Variants in ST3GAL3 observed in about 807,000 individuals in gnomAD.
The protein encoded by ST3GAL3 is CMP-N-acetylneuraminate-beta-1,4-galactoside alpha-2,3-sialyltransferase.
A neutral mutation model predicts 50.1 loss-of-function variants in ST3GAL3; 21 were observed. That is an observed-to-expected ratio of 0.42 (90% CI 0.30 to 0.60). The LOEUF is 0.60. Ranked by LOEUF, ST3GAL3 falls within the 20% of genes least tolerant of loss-of-function variation. ST3GAL3 has a pLI of 0.19. For synonymous variants in ST3GAL3, 183 were observed against 190.0 expected (o/e 0.96, Z 0.30); for missense variants, 353 against 489.4 (o/e 0.72, Z 2.63).
In ST3GAL3 at chr1:43,930,198, A is replaced by G. The variant is rs142076884; in HGVS notation, c.1105A>G (p.Thr369Ala). The G allele has an allele frequency of 2.5e-6, 4 of 1,613,792 alleles. No homozygotes were observed. Among genetic ancestry groups the G allele is most frequent in the Non-Finnish European group, 3.4e-6 (4 of 1,180,056 alleles). Residue 369 changes from threonine to alanine, a missense_variant, in exon 12 of 12, where the codon ACT (threonine) becomes GCT (alanine). Thr to Ala is a moderately conservative substitution (Grantham distance 58). Transcript: ENST00000347631. ...GAAGCTGGTGAAAGCTCGCGTCATC[A>G]CTGATCTAAGCAGTGGCATCTGAGT... ...LRKLVKARVITDLSSGI is the reference protein window; with the variant it reads ...LRKLVKARVIADLSSGI
rs1679058554 is a variant in ST3GAL3, at chr1:43,737,628, G to GATA, written c.118+1250_118+1252dup. On this transcript the variant is annotated intron_variant, in intron 2 of 11. Coordinates refer to ENST00000347631, the MANE Select transcript of ST3GAL3 (RefSeq NM_006279.5). This position sits in a 1 kb window ranked among gnomAD's most constrained non-coding sequence, Gnocchi z 4.0. Reference sequence around the variant, plus strand: ...TTTTAAAACCAAGGAGACTACCCAGGATAAGGAGTGTTTGTATCAGTGAAA... The same window carrying GATA: ...TTTTAAAACCAAGGAGACTACCCAGGATAATAAGGAGTGTTTGTATCAGTGAAA... 6.6e-6 allele frequency: 1 copy of GATA among 152,178 alleles called. No individual in the cohort carries two copies. The highest frequency in any genetic ancestry group is 2.4e-5 in the African/African-American group (1 of 41,456). 9.4% of individuals were successfully genotyped at this position (152,178 alleles called of 1,614,324 possible). A position where few individuals can be genotyped will look rare whatever the true frequency, so the allele number is the denominator to read the frequency against.
chr1:43,899,236 G>C lies in ST3GAL3; in HGVS notation c.530G>C (p.Arg177Pro). ...CTTGCCAACAAGTCTCTGGGGTCAC[G>C]AATTGACGACTATGACATTGTGGTG... ...GVLANKSLGS[R>P]IDDYDIVVRL... The change falls in exon 8 of 12, where the codon CGA becomes CCA. Residue 177 changes from arginine to proline, a missense_variant. Transcript: ENST00000347631. This position sits in a 1 kb window ranked among gnomAD's most constrained non-coding sequence, Gnocchi z 5.4. 1 of 1,614,238 alleles carries C rather than the reference G, an allele frequency of 6.2e-7. No individual in the cohort carries two copies.
chr1:43,857,586 C>CCTCCCTTCCTT (rs1558605800), intron 5 of ST3GAL3, among the ~76,000 whole-genome samples: 7 of 85,976 alleles, frequency 8.1e-5, no homozygotes, highest in African/African-American at 4.2e-4. Flanking sequence ...CTTCCTCCCT[C>CCTCCCTTCCTT]CCTTCCTTCC....
chr1:43,835,532 A>G (rs187619919), intron 4 of ST3GAL3, among the ~76,000 whole-genome samples: 3 of 152,156 alleles, frequency 2.0e-5, no homozygotes, highest in African/African-American at 7.2e-5. Flanking sequence ...TGCCATGGAG[A>G]GAGCAGTATC....
At chr1:43,715,902 G>A (rs973454553) in intron 1 of ST3GAL3, among the ~76,000 whole-genome samples, 27 of 152,310 alleles carry the variant, frequency 1.8e-4, no homozygotes, top group Admixed American at 1.5e-3. Context: ...GAGAATGAGA[G>A]TGAACAAGGC....
chr1:43,792,674 A>T (rs1315414052), intron 3 of ST3GAL3, among the ~76,000 whole-genome samples: 1 of 152,210 alleles, frequency 6.6e-6, no homozygotes, highest in African/African-American at 2.4e-5. Flanking sequence ...AAATGCATGT[A>T]GGTGGACACA....
chr1:43,921,132 C>A lies in ST3GAL3; in HGVS notation c.1038+204C>A, dbSNP rs149233322. Among the ~76,000 whole-genome samples the A allele has an allele frequency of 4.7e-3, 720 of 152,216 alleles. 7 individuals carry two copies. The highest frequency in any genetic ancestry group is 0.019 in the South Asian group (92 of 4,818). ...TGAACTTTCCTTCCAAGGGACTCTC[C>A]GTGCCCTGGTCCTGCACCTCCCTCC... On this transcript the variant is annotated intron_variant, in intron 11 of 11. Transcript: ENST00000347631.
At chr1:43,753,982 C>T (rs1687128623) in intron 2 of ST3GAL3, among the ~76,000 whole-genome samples, 1 of 152,136 alleles carries the variant, frequency 6.6e-6, no homozygotes, top group South Asian at 2.1e-4. Flanking sequence ...CTTCACAGAA[C>T]GTCAGTTCAT....
At position 43,905,932 on chromosome 1, in the gene ST3GAL3, C is replaced by T. The variant is rs1453016271; in HGVS notation, c.744+6205C>T. Among the ~76,000 whole-genome samples, 22 of 102,754 alleles carry T rather than the reference C, an allele frequency of 2.1e-4. No individual in the cohort carries two copies. In the East Asian group the frequency reaches 3.1e-3, roughly 15 times the overall value. The allele number at this position is 102,754 out of a possible 152,430, so 67.4% of individuals were successfully genotyped here. A position where few individuals can be genotyped will look rare whatever the true frequency, so the allele number is the denominator to read the frequency against. On this transcript the variant is annotated intron_variant, in intron 9 of 11. Coordinates refer to ENST00000347631, the MANE Select transcript of ST3GAL3 (RefSeq NM_006279.5). ...CTGTTCCTCTTCCCACCACTCTTCC[C>T]CCTCCTCCTCCTGCTCCTCTCCCAC...
chr1:43,727,732 C>T lies in ST3GAL3; in HGVS notation c.-30-8501C>T, dbSNP rs560370163. 2.0e-5 allele frequency among the ~76,000 whole-genome samples: 3 copies of T among 152,332 alleles called. No homozygotes were observed. In the South Asian group the frequency reaches 6.2e-4, roughly 32 times the overall value. ...GAAAAATCATTTATGCTGTCTTTAG[C>T]CTCATCCCTTCCCCAAACTTCACAT... On this transcript the variant is annotated intron_variant, in intron 1 of 11. Transcript: ENST00000347631.
chr1:43,867,106 G>T (rs1447890958), intron 5 of ST3GAL3, among the ~76,000 whole-genome samples: 1 of 152,176 alleles, frequency 6.6e-6, no homozygotes, highest in African/African-American at 2.4e-5. Context: ...CTCCAGCCTG[G>T]GTGACAGAGC....
At chr1:43,725,018 C>T (rs1672232511) in intron 1 of ST3GAL3, among the ~76,000 whole-genome samples, 1 of 152,068 alleles carries the variant, frequency 6.6e-6, no homozygotes, top group Non-Finnish European at 1.5e-5. Context: ...TCGGTGTCCT[C>T]GCTGCCATGT....
chr1:43,712,408 A>G (rs940119920), intron 1 of ST3GAL3, among the ~76,000 whole-genome samples: 5 of 152,096 alleles, frequency 3.3e-5, no homozygotes, highest in Admixed American at 3.3e-4. Flanking sequence ...TTTCTCTCCT[A>G]CTAGACCAGG....
chr1:43,807,695 G>A (rs920383860), intron 3 of ST3GAL3, among the ~76,000 whole-genome samples: 2 of 152,174 alleles, frequency 1.3e-5, no homozygotes, highest in Non-Finnish European at 2.9e-5. Flanking sequence ...TGGCTTGGCC[G>A]AGAAGAGTAG....
chr1:43,847,445 T>C (rs2066448142), intron 5 of ST3GAL3, among the ~76,000 whole-genome samples: 1 of 152,212 alleles, frequency 6.6e-6, no homozygotes, highest in Non-Finnish European at 1.5e-5. Context: ...GGAATGTTAC[T>C]CAGCCTGAAA....
At position 43,926,655 on chromosome 1, in the gene ST3GAL3, A is replaced by G. The variant is rs367827495; in HGVS notation, c.1039-3477A>G. On this transcript the variant is annotated intron_variant, in intron 11 of 11. Transcript: ENST00000347631. Reference sequence around the variant, plus strand: ...GTGTGGACTGTGACATGGGATGGACATCAATACTCAGAATCAAGGGCCCTG... The same window carrying G: ...GTGTGGACTGTGACATGGGATGGACGTCAATACTCAGAATCAAGGGCCCTG... Among the ~76,000 whole-genome samples the G allele has an allele frequency of 2.0e-4, 30 of 152,198 alleles. No homozygotes were observed. The East Asian group carries it at 2.3e-3, about 12-fold the overall frequency.
intron 2 of ST3GAL3, among the ~76,000 whole-genome samples, chr1:43,765,743 C>CTG (rs763910168): frequency 0.017 from 2,380 of 140,640 alleles, 71 homozygotes; most frequent in African/African-American, 0.058. Flanking sequence ...ATGTGTGTGT[C>CTG]TGTGTGTGTC....
At chr1:43,843,491 A>G (rs2065753461) in intron 5 of ST3GAL3, among the ~76,000 whole-genome samples, 1 of 152,134 alleles carries the variant, frequency 6.6e-6, no homozygotes, top group Admixed American at 6.5e-5. Context: ...GCTCTATTCA[A>G]TTGGCTAAAA....
At chr1:43,733,040 A>G (rs1370121734) in intron 1 of ST3GAL3, among the ~76,000 whole-genome samples, 1 of 150,260 alleles carries the variant, frequency 6.7e-6, no homozygotes, top group East Asian at 2.0e-4. Flanking sequence ...GTGCAGTAGC[A>G]TGATCATAGC....
Sources: allele counts gnomAD v4.1 joint callset (sites outside exome capture counted in the v4.1 genomes callset), GRCh38; gene constraint gnomAD v4.1.1; non-coding constraint Gnocchi (gnomAD v3.1); transcripts MANE v1.5; gene names NCBI Gene and HGNC (gene_info 2026-07-23, HGNC 2026-07-21).